The following B4GALT5 variants were observed in gnomAD, a reference collection of about 807,000 sequenced individuals.
B4GALT5 encodes beta-1,4-galactosyltransferase 5.
In B4GALT5, 11 loss-of-function variants were observed where a neutral mutation model predicts 45.0. That is an observed-to-expected ratio of 0.24 (90% CI 0.15 to 0.40). B4GALT5 has a LOEUF of 0.40. Among genes scored for constraint, B4GALT5 ranks in the 10% least tolerant of loss-of-function variants. B4GALT5 has a pLI of 1.00. For missense variants in B4GALT5, 337 were observed against 500.2 expected (o/e 0.67, Z 3.11); for synonymous variants, 185 against 182.9 (o/e 1.01, Z -0.09).
chr20:49,670,867 T>C (rs142954539), intron 1 of B4GALT5, among the ~76,000 whole-genome samples: 74 of 152,300 alleles, frequency 4.9e-4, no homozygotes, highest in Admixed American at 1.2e-3. Context: ...TCTAACCCAG[T>C]AGTTCCTACT....
chr20:49,695,419 T>A (rs546691149), intron 1 of B4GALT5, among the ~76,000 whole-genome samples: 32 of 151,630 alleles, frequency 2.1e-4, no homozygotes, highest in East Asian at 7.7e-4. Flanking sequence ...TGGTTTATTT[T>A]TTTTTTTTTT....
At chr20:49,642,389 C>G in intron 5 of B4GALT5, 79 bp downstream of exon 5, 1 of 1,086,802 alleles carries the variant, frequency 9.2e-7, no homozygotes, top group African/African-American at 1.6e-5. Flanking sequence ...GCTCTTCACA[C>G]CAACAGTGGA....
intron 3 of B4GALT5, 100 bp from the exon 4 acceptor site, chr20:49,643,750 G>C (rs936332001): frequency 1.5e-6 from 2 of 1,354,036 alleles, no homozygotes; most frequent in Non-Finnish European, 2.0e-6. Flanking sequence ...TTTTTCAGCT[G>C]AATTTGTTTT....
chr20:49,699,709 T>C (rs2085853800), intron 1 of B4GALT5, among the ~76,000 whole-genome samples: 1 of 152,182 alleles, frequency 6.6e-6, no homozygotes, highest in East Asian at 1.9e-4. Flanking sequence ...AAAGTCAAGG[T>C]AGGAACGGCA....
intron 1 of B4GALT5, among the ~76,000 whole-genome samples, chr20:49,687,182 A>C (rs1284922789): frequency 6.6e-6 from 1 of 152,210 alleles, no homozygotes; most frequent in African/African-American, 2.4e-5. Context: ...TACAAGGCAC[A>C]GGACAGCCTC....
intron 2 of B4GALT5, among the ~76,000 whole-genome samples, chr20:49,654,820 T>A (rs898698881): frequency 6.6e-6 from 1 of 152,096 alleles, no homozygotes; most frequent in East Asian, 1.9e-4. Context: ...TAAGAAGCCA[T>A]AGGAGGCTGG....
At chr20:49,666,727 G>C (rs768393080) in intron 1 of B4GALT5, among the ~76,000 whole-genome samples, 22 of 152,200 alleles carry the variant, frequency 1.4e-4, no homozygotes, top group Non-Finnish European at 3.2e-4. Flanking sequence ...AAGGAATGTT[G>C]AAGTTTGATT....
In B4GALT5 at chr20:49,643,567, C is replaced by T. The variant is rs1455192496; in HGVS notation, c.448G>A (p.Gly150Arg). 5 of 1,614,018 alleles carry T rather than the reference C, an allele frequency of 3.1e-6. No homozygotes were observed. Among genetic ancestry groups the T allele is most frequent in the Non-Finnish European group, 4.2e-6 (5 of 1,179,984 alleles). Reference sequence around the variant, plus strand: ...CAATCAGAAGGCTTCCAGTGACCTCCGAGCTTGATGGTTGGGTCTTTGGAG... The same window carrying T: ...CAATCAGAAGGCTTCCAGTGACCTCTGAGCTTGATGGTTGGGTCTTTGGAG... ...LFSKDPTIKL[G>R]GHWKPSDCMP... The change falls in exon 4 of 9, where the codon GGA becomes AGA. Residue 150 changes from glycine to arginine, a missense_variant. Physicochemically the swap from Gly to Arg is moderately radical, Grantham distance 125. Coordinates refer to ENST00000371711, the MANE Select transcript of B4GALT5 (RefSeq NM_004776.4).
chr20:49,664,909 C>G (rs1231438942), intron 1 of B4GALT5, among the ~76,000 whole-genome samples: 2 of 152,200 alleles, frequency 1.3e-5, no homozygotes, highest in Non-Finnish European at 2.9e-5. Flanking sequence ...CTGGTGAACT[C>G]AGGTGTAGAG....
At chr20:49,673,338 C>T (rs947873804) in intron 1 of B4GALT5, among the ~76,000 whole-genome samples, 3 of 151,880 alleles carry the variant, frequency 2.0e-5, no homozygotes, top group Admixed American at 6.6e-5. Context: ...CGAGATCGTG[C>T]CACTGCACCC....
At chr20:49,666,954 G>A (rs1267458502) in intron 1 of B4GALT5, among the ~76,000 whole-genome samples, 1 of 152,132 alleles carries the variant, frequency 6.6e-6, no homozygotes, top group African/African-American at 2.4e-5. Flanking sequence ...GAGTCCTTAT[G>A]TGCCAGCACC....
intron 1 of B4GALT5, among the ~76,000 whole-genome samples, chr20:49,694,858 A>ACACC (rs1555814290): frequency 2.0e-5 from 3 of 150,874 alleles, no homozygotes; most frequent in African/African-American, 7.3e-5. Context: ...ACACACACAC[A>ACACC]CCCCTGAAGC....
intron 1 of B4GALT5, among the ~76,000 whole-genome samples, chr20:49,664,771 T>C (rs1223015468): frequency 4.6e-5 from 7 of 152,218 alleles, no homozygotes; most frequent in Admixed American, 4.6e-4. Flanking sequence ...TTTAGAGGTT[T>C]CGCATCATGA....
rs564477262 is a variant in B4GALT5, at chr20:49,713,371, G to A, written c.115+205C>T. On this transcript the variant is annotated intron_variant, in intron 1 of 8. Coordinates refer to ENST00000371711, the MANE Select transcript of B4GALT5 (RefSeq NM_004776.4). ...GGGGCGGGGTGGGCCGGAGGCTGGC[G>A]CGGGAGAGGGATCCCGGGCGCCTGT... Among the ~76,000 whole-genome samples, 21 of 151,902 alleles carry A rather than the reference G, an allele frequency of 1.4e-4. No homozygotes were observed. The South Asian group carries it at 4.4e-3, about 32-fold the overall frequency.
intron 3 of B4GALT5, among the ~76,000 whole-genome samples, chr20:49,644,935 T>C (rs78916032): frequency 0.012 from 1,845 of 152,106 alleles, 30 homozygotes; most frequent in African/African-American, 0.042. Flanking sequence ...AAAAAAACAA[T>C]TTTAAAAAAA....
chr20:49,656,485 C>A, intron 2 of B4GALT5, 83 bp downstream of exon 2: 2 of 1,549,860 alleles, frequency 1.3e-6, no homozygotes, highest in Non-Finnish European at 1.8e-6. Flanking sequence ...GCGCTTTTCC[C>A]ATTGAAAATA....
chr20:49,676,843 T>A (rs1468403027), intron 1 of B4GALT5, among the ~76,000 whole-genome samples: 1 of 152,222 alleles, frequency 6.6e-6, no homozygotes, highest in Non-Finnish European at 1.5e-5. Flanking sequence ...GCACACATCC[T>A]CTGTGTCTAA....
intron 1 of B4GALT5, among the ~76,000 whole-genome samples, chr20:49,692,194 A>G (rs2146355002): frequency 6.6e-6 from 1 of 152,164 alleles, no homozygotes; most frequent in Admixed American, 6.5e-5. Context: ...GCCTTATAAA[A>G]ACAATAGGTA....
chr20:49,677,031 T>TTTTTG (rs1165127775), intron 1 of B4GALT5, among the ~76,000 whole-genome samples: 9 of 152,124 alleles, frequency 5.9e-5, no homozygotes, highest in Non-Finnish European at 1.3e-4. Context: ...TAAGTGGTGT[T>TTTTTG]TTTTGTTTTG....
Sources: gnomAD v4.1 joint callset for allele counts (sites outside exome capture counted in the v4.1 genomes callset) on GRCh38, gnomAD v4.1.1 for gene constraint, MANE v1.5 for transcripts, NCBI Gene and HGNC (gene_info 2026-07-23, HGNC 2026-07-21) for gene names.